FRMD3: variants seen among roughly 807,000 people sequenced by gnomAD.
FRMD3 encodes FERM domain-containing protein 3.
FRMD3 carries 33 observed loss-of-function variants against 70.2 expected under a neutral mutation model. The observed-to-expected ratio is 0.47, with a 90% CI of 0.36 to 0.63. The LOEUF is 0.63. Ranked by LOEUF, FRMD3 falls within the 20% of genes least tolerant of loss-of-function variation. FRMD3 has a pLI of 0.00. For missense variants in FRMD3, 632 were observed against 711.4 expected, an observed-to-expected ratio of 0.89 and a Z score of 1.27; for synonymous variants, 279 against 255.9, an observed-to-expected ratio of 1.09 and a Z score of -0.86.
chr9:83,247,660 G>T lies in FRMD3; in HGVS notation c.*258C>A. ...TTATGATATAATAGATGAAGGGTAT[G>T]TCTACACTATAATAAAAAATAAACA... On this transcript the variant is annotated 3_prime_UTR_variant, in exon 14 of 14. Coordinates refer to ENST00000304195, the MANE Select transcript of FRMD3 (RefSeq NM_174938.6). 6.7e-6 allele frequency: 8 copies of T among 1,187,486 alleles called. No homozygotes were observed. Among genetic ancestry groups the T allele is most frequent in the Non-Finnish European group, 8.5e-6 (8 of 938,576 alleles). 73.6% of individuals were successfully genotyped at this position (1,187,486 alleles called of 1,614,324 possible).
chr9:83,296,404 A>G (rs1834663206), intron 12 of FRMD3, among the ~76,000 whole-genome samples: 2 of 152,330 alleles, frequency 1.3e-5, no homozygotes, highest in Middle Eastern at 3.4e-3. Context: ...CATTCATTCA[A>G]CAGCTATATA....
In FRMD3 at chr9:83,247,430, A is replaced by AATATTTTTAAATATTTT. The variant is rs1788207561; in HGVS notation, c.*487_*488insAAAATATTTAAAAATAT. 1 of 981,282 alleles carries AATATTTTTAAATATTTT rather than the reference A, an allele frequency of 1.0e-6. No individual in the cohort carries two copies. The highest frequency in any genetic ancestry group is 4.7e-5 in the South Asian group (1 of 21,180). 60.8% of individuals were successfully genotyped at this position (981,282 alleles called of 1,614,324 possible). The stretch of plus-strand genomic sequence containing the variant: ...TTTACCAAAATAGTTTGAACACATA[A>AATATTTTTAAATATTTT]AAATATTTTTAAAAAAACAGAACCA... On this transcript the variant is annotated 3_prime_UTR_variant, in exon 14 of 14. Coordinates refer to ENST00000304195, the MANE Select transcript of FRMD3 (RefSeq NM_174938.6).
chr9:83,421,453 A>G (rs1055188030), intron 1 of FRMD3, among the ~76,000 whole-genome samples: 1 of 151,044 alleles, frequency 6.6e-6, no homozygotes, highest in Admixed American at 6.6e-5. Context: ...TTATATTTTT[A>G]TATGCAGAAA....
rs1376233854 is a variant in FRMD3, at chr9:83,478,352, T to C, written c.147+59733A>G. 2.6e-5 allele frequency among the ~76,000 whole-genome samples: 4 copies of C among 152,286 alleles called. No individual in the cohort carries two copies. The East Asian group carries it at 7.7e-4, about 29-fold the overall frequency. ...AATGTAATGAACATATGCATACTCT[T>C]CTATCCAGAAACCCATAATTTTCAA... On this transcript the variant is annotated intron_variant, in intron 1 of 13. Transcript: ENST00000304195.
intron 6 of FRMD3, chr9:83,331,875 T>C (rs1183539621): frequency 2.8e-6 from 2 of 717,476 alleles, no homozygotes; most frequent in East Asian, 5.4e-5. Flanking sequence ...TAGAATTGCA[T>C]TTCCTTGATC....
intron 1 of FRMD3, among the ~76,000 whole-genome samples, chr9:83,523,590 G>C (rs1332950399): frequency 6.6e-6 from 1 of 152,128 alleles, no homozygotes; most frequent in African/African-American, 2.4e-5. Flanking sequence ...CGCATTAAAA[G>C]CTTCCCTTTC....
At chr9:83,304,535 A>C (rs975086906) in intron 10 of FRMD3, among the ~76,000 whole-genome samples, 1 of 152,194 alleles carries the variant, frequency 6.6e-6, no homozygotes. Flanking sequence ...CTGGGTTCTT[A>C]CCTACCAAGC....
At chr9:83,436,620 T>C (rs1033060307) in intron 1 of FRMD3, among the ~76,000 whole-genome samples, 1 of 152,124 alleles carries the variant, frequency 6.6e-6, no homozygotes, top group East Asian at 1.9e-4. Flanking sequence ...TCATTTCTTA[T>C]ATTGAAACCA....
intron 1 of FRMD3, among the ~76,000 whole-genome samples, chr9:83,393,033 C>T (rs1337465016): frequency 6.6e-6 from 1 of 152,194 alleles, no homozygotes; most frequent in Non-Finnish European, 1.5e-5. Context: ...AATGCGTGAG[C>T]AGGGTCTAAT....
intron 1 of FRMD3, among the ~76,000 whole-genome samples, chr9:83,390,309 G>A (rs564233123): frequency 5.3e-5 from 8 of 152,328 alleles, no homozygotes; most frequent in Non-Finnish European, 2.9e-5. Flanking sequence ...GAGCAATCAC[G>A]AGTCCACTGC....
intron 1 of FRMD3, among the ~76,000 whole-genome samples, chr9:83,416,946 A>G (rs1402325288): frequency 1.3e-5 from 2 of 152,152 alleles, no homozygotes; most frequent in Non-Finnish European, 2.9e-5. Flanking sequence ...ACACTGTTTC[A>G]TCTAGCCCAC....
intron 13 of FRMD3, among the ~76,000 whole-genome samples, chr9:83,283,735 C>T (rs1246772308): frequency 6.6e-6 from 1 of 152,058 alleles, no homozygotes; most frequent in Non-Finnish European, 1.5e-5. Flanking sequence ...CTATAGATGC[C>T]ATTAGATAAG....
At chr9:83,255,621 A>G (rs909716371) in intron 13 of FRMD3, among the ~76,000 whole-genome samples, 3 of 152,152 alleles carry the variant, frequency 2.0e-5, no homozygotes, top group Admixed American at 2.0e-4. Flanking sequence ...TATATCTAGA[A>G]AACCCCATCG....
chr9:83,504,286 C>T (rs1177320810), intron 1 of FRMD3, among the ~76,000 whole-genome samples: 1 of 152,186 alleles, frequency 6.6e-6, no homozygotes, highest in Non-Finnish European at 1.5e-5. Context: ...GCACAGTTTT[C>T]ACCTCCTAAT....
At chr9:83,243,180 G>A (rs549098969), downstream of FRMD3, 43 of 1,549,832 alleles carry the variant, frequency 2.8e-5, no homozygotes, top group East Asian at 9.8e-5. Context: ...AGCTCACCAC[G>A]GGCAGGTTCT....
downstream of FRMD3, among the ~76,000 whole-genome samples, chr9:83,243,733 T>C (rs1831956568): frequency 6.6e-6 from 1 of 151,866 alleles, no homozygotes; most frequent in Non-Finnish European, 1.5e-5. Context: ...GAGGCCACCA[T>C]AGCTAAGGGC....
At chr9:83,530,328 C>G (rs1392338038) in intron 1 of FRMD3, among the ~76,000 whole-genome samples, 1 of 152,180 alleles carries the variant, frequency 6.6e-6, no homozygotes, top group African/African-American at 2.4e-5. Context: ...GGTACTGACC[C>G]ATGCTACAAT....
At chr9:83,552,060 G>A in the FRMD3 span, among the ~76,000 whole-genome samples, 4 of 152,170 alleles carry the variant, frequency 2.6e-5, no homozygotes, top group East Asian at 5.8e-4. Context: ...CAGTTGTGAG[G>A]TTAGGTTATT....
chr9:83,362,749 C>CTCCT (rs921729136), intron 3 of FRMD3, among the ~76,000 whole-genome samples: 9 of 149,854 alleles, frequency 6.0e-5, no homozygotes, highest in African/African-American at 2.2e-4. Context: ...CCTTCCTTCT[C>CTCCT]TCCTTCCTTC....
Sources: gnomAD v4.1 joint callset for allele counts (sites outside exome capture counted in the v4.1 genomes callset) on GRCh38, gnomAD v4.1.1 for gene constraint, MANE v1.5 for transcripts, NCBI Gene and HGNC (gene_info 2026-07-23, HGNC 2026-07-21) for gene names.